TOMM70: variants seen among roughly 807,000 people sequenced by gnomAD.
TOMM70 encodes the protein mitochondrial import receptor subunit TOM70.
In TOMM70, 13 loss-of-function variants were observed where a neutral mutation model predicts 73.6. That is an observed-to-expected ratio of 0.18 (90% CI 0.11 to 0.28). TOMM70 has a LOEUF of 0.28. TOMM70 is among the 10% of genes least tolerant of loss of function. TOMM70 has a pLI of 1.00. For synonymous variants in TOMM70, 257 were observed against 271.2 expected, an observed-to-expected ratio of 0.95 and a Z score of 0.51; for missense variants, 609 against 747.5, an observed-to-expected ratio of 0.81 and a Z score of 2.16.
At position 100,365,664 on chromosome 3, in the gene TOMM70, T is replaced by C. The variant is rs1370508158; in HGVS notation, c.1727A>G (p.Lys576Arg). The C allele has an allele frequency of 2.5e-6, 4 of 1,614,096 alleles. No individual in the cohort carries two copies. The highest frequency in any genetic ancestry group is 2.2e-5 in the South Asian group (2 of 91,086). Residue 576 changes from lysine (K) to arginine (R), a missense_variant, in exon 12 of 12, where the codon AAA becomes AGA. Around this residue, in one of 2 missense-constraint regions of TOMM70, gnomAD observed 432 missense variants for 584.1 expected, o/e 0.74. Transcript: ENST00000284320. The stretch of plus-strand genomic sequence containing the variant: ...CAGATGGGCCATCTCCATTTCCGAT[T>C]TGGCCAGGTTAATAGCTTTGTTGAA... ...DMFNKAINLA[K>R]SEMEMAHLYS...
At chr3:100,394,365 C>CTTTTCTTTTTT (rs769287867) in intron 1 of TOMM70, among the ~76,000 whole-genome samples, 9 of 131,392 alleles carry the variant, frequency 6.8e-5, no homozygotes, top group African/African-American at 2.4e-4. Context: ...GTTACTTTTT[C>CTTTTCTTTTTT]TTTTTTTTTT....
chr3:100,372,534 GT>G (rs1706522020), intron 9 of TOMM70, 71 bp downstream of exon 9: 2 of 1,247,266 alleles, frequency 1.6e-6, no homozygotes, highest in Admixed American at 2.0e-5. Context: ...TGATAGCACT[GT>G]TTTCTGATTT....
intron 10 of TOMM70, 150 bp downstream of exon 10, chr3:100,368,888 C>T: frequency 1.7e-6 from 1 of 595,706 alleles, no homozygotes. Flanking sequence ...TAACTAATTT[C>T]TGTAAGAATG....
intron 1 of TOMM70, among the ~76,000 whole-genome samples, chr3:100,390,066 T>C (rs770616221): frequency 6.6e-6 from 1 of 151,132 alleles, no homozygotes; most frequent in East Asian, 1.9e-4. Flanking sequence ...GGAAACAAAC[T>C]CAAGTATCAT....
chr3:100,386,087 A>T, intron 3 of TOMM70, 131 bp downstream of exon 3: 1 of 982,444 alleles, frequency 1.0e-6, no homozygotes, highest in Middle Eastern at 3.4e-4. Flanking sequence ...AGAAGACACA[A>T]TCTTAAGTGC....
rs887760306 is a variant in TOMM70 at position 100,365,389 on chromosome 3, T to A, written c.*175A>T. The stretch of plus-strand genomic sequence containing the variant: ...AATAAAAGCTGCAAGACTGCAAACT[T>A]CCTTCAACAGCCACACCCACAACAC... On this transcript the variant is annotated 3_prime_UTR_variant, in exon 12 of 12. Coordinates refer to ENST00000284320, the MANE Select transcript of TOMM70 (RefSeq NM_014820.5). The A allele has an allele frequency of 5.8e-6, 5 of 867,626 alleles. No homozygotes were observed. In the African/African-American group the frequency reaches 8.4e-5, roughly 15 times the overall value. The allele number at this position is 867,626 out of a possible 1,614,324, so 53.7% of individuals were successfully genotyped here.
At chr3:100,375,778 G>C (rs1480561136) in intron 6 of TOMM70, among the ~76,000 whole-genome samples, 4 of 152,060 alleles carry the variant, frequency 2.6e-5, no homozygotes, top group Non-Finnish European at 5.9e-5. Flanking sequence ...GGGTAGTCTA[G>C]AACTCCTGGG....
chr3:100,395,542 C>CAAAAAAA (rs59048767), intron 1 of TOMM70, among the ~76,000 whole-genome samples: 7 of 81,074 alleles, frequency 8.6e-5, no homozygotes, highest in African/African-American at 1.0e-4. Context: ...GACTCCAACT[C>CAAAAAAA]AAAAAAAAAA....
At chr3:100,396,580 C>T (rs2148895333) in intron 1 of TOMM70, among the ~76,000 whole-genome samples, 1 of 152,184 alleles carries the variant, frequency 6.6e-6, no homozygotes, top group East Asian at 1.9e-4. Context: ...GTGGTGGTCC[C>T]TCGTGATGAC....
chr3:100,375,908 T>C (rs1194296941), intron 6 of TOMM70, among the ~76,000 whole-genome samples: 1 of 152,132 alleles, frequency 6.6e-6, no homozygotes, highest in Non-Finnish European at 1.5e-5. Flanking sequence ...AATTACTAGA[T>C]CATATGGTAA....
intron 1 of TOMM70, among the ~76,000 whole-genome samples, chr3:100,387,655 T>TTG (rs1553738586): frequency 6.6e-6 from 1 of 150,400 alleles, no homozygotes; most frequent in African/African-American, 2.4e-5. Context: ...TTTTTTTTTT[T>TTG]TCTTGAGACA....
chr3:100,378,388 G>GGCGGT (rs956195824), intron 5 of TOMM70, among the ~76,000 whole-genome samples: 8 of 152,140 alleles, frequency 5.3e-5, no homozygotes, highest in African/African-American at 1.9e-4. Context: ...GGTGGGGAGG[G>GGCGGT]GCGGTGCGGT....
At chr3:100,398,799 T>A (rs1706852996) in intron 1 of TOMM70, among the ~76,000 whole-genome samples, 1 of 152,188 alleles carries the variant, frequency 6.6e-6, no homozygotes, top group Admixed American at 6.5e-5. Context: ...AAATCCTAGT[T>A]CTAACACAGT....
intron 1 of TOMM70, among the ~76,000 whole-genome samples, chr3:100,388,478 T>C (rs1453110005): frequency 6.6e-6 from 1 of 152,160 alleles, no homozygotes; most frequent in Non-Finnish European, 1.5e-5. Flanking sequence ...ATACTTGGGA[T>C]GCTGAGGCAG....
intron 4 of TOMM70, among the ~76,000 whole-genome samples, chr3:100,382,777 A>T (rs1275024006): frequency 6.6e-6 from 1 of 152,202 alleles, no homozygotes; most frequent in Non-Finnish European, 1.5e-5. Flanking sequence ...TAAAGTGAAA[A>T]TAAACGGTTA....
intron 6 of TOMM70, among the ~76,000 whole-genome samples, chr3:100,377,117 T>G (rs1234547234): frequency 6.6e-6 from 1 of 152,170 alleles, no homozygotes; most frequent in Non-Finnish European, 1.5e-5. Flanking sequence ...AACAAACTAA[T>G]AAGTAATATA....
chr3:100,386,795 G>T lies in TOMM70; in HGVS notation c.498+10C>A, dbSNP rs1219047494. On this transcript the variant is annotated intron_variant, in intron 2 of 11. Coordinates refer to ENST00000284320, the MANE Select transcript of TOMM70 (RefSeq NM_014820.5). ...GAAAAGGAACAGAAGAAACAACCTA[G>T]AGTACATACCAACTGTTCAAAGGCA... 17 of 1,611,390 alleles carry T rather than the reference G, an allele frequency of 1.1e-5. No individual in the cohort carries two copies. Among genetic ancestry groups the T allele is most frequent in the Non-Finnish European group, 1.4e-5 (17 of 1,179,382 alleles).
intron 7 of TOMM70, 119 bp from the exon 8 acceptor site, chr3:100,373,764 T>C (rs1001428471): frequency 5.3e-6 from 3 of 565,174 alleles, no homozygotes; most frequent in Non-Finnish European, 9.0e-6. Context: ...ATTCAATATA[T>C]AATTACTTTC....
At chr3:100,389,049 A>C (rs1368630295) in intron 1 of TOMM70, among the ~76,000 whole-genome samples, 1 of 152,198 alleles carries the variant, frequency 6.6e-6, no homozygotes, top group Non-Finnish European at 1.5e-5. Flanking sequence ...AATCTAAGGA[A>C]TTGGAGAAAT....
Sources: gnomAD v4.1 joint callset for allele counts (sites outside exome capture counted in the v4.1 genomes callset) on GRCh38, gnomAD v4.1.1 for gene constraint, gnomAD v4.1.1 regional missense constraint, MANE v1.5 for transcripts, NCBI Gene and HGNC (gene_info 2026-07-23, HGNC 2026-07-21) for gene names.